Variants in CECR2 observed in about 807,000 individuals in gnomAD.
CECR2 encodes the protein chromatin remodeling regulator CECR2.
A neutral mutation model predicts 154.5 loss-of-function variants in CECR2; 30 were observed. That is an observed-to-expected ratio of 0.19 (90% CI 0.15 to 0.26). CECR2 has a LOEUF of 0.26. Among genes scored for constraint, CECR2 ranks in the 10% least tolerant of loss-of-function variants. The probability of loss-of-function intolerance (pLI) is 1.00; values close to 1 mark genes in which losing one functional copy is unlikely to be tolerated. For missense variants in CECR2, 1,743 were observed against 1,829.3 expected (o/e 0.95, Z 0.86); for synonymous variants, 725 against 683.7 (o/e 1.06, Z -0.94).
intron 1 of CECR2, among the ~76,000 whole-genome samples, chr22:17,381,919 A>T (rs1485738721): frequency 6.7e-6 from 1 of 149,674 alleles, no homozygotes; most frequent in South Asian, 2.1e-4. Flanking sequence ...ACGGAGTCTC[A>T]CTCTGTCACC....
chr22:17,364,520 A>G (rs1252668462), upstream of CECR2, among the ~76,000 whole-genome samples: 4 of 152,130 alleles, frequency 2.6e-5, no homozygotes, highest in Non-Finnish European at 2.9e-5. Flanking sequence ...CAATTTAAAT[A>G]GAAGAGAGAG....
chr22:17,364,020 G>A (rs1376794715), intron 1 of CECR2, among the ~76,000 whole-genome samples: 3 of 152,020 alleles, frequency 2.0e-5, no homozygotes, highest in Non-Finnish European at 2.9e-5. Flanking sequence ...AATGAGAAAA[G>A]CTGAGCTGTT....
chr22:17,500,331 C>T (rs897044498), intron 4 of CECR2, among the ~76,000 whole-genome samples: 1 of 152,048 alleles, frequency 6.6e-6, no homozygotes, highest in African/African-American at 2.4e-5. Flanking sequence ...AGGAAGAGGC[C>T]GCATTTCCAT....
Position 17,548,198 on chromosome 22 carries a change from G to C in CECR2, c.2911G>C (p.Glu971Gln). 1 of 1,587,720 alleles carries C rather than the reference G, an allele frequency of 6.3e-7. No individual in the cohort carries two copies. Among genetic ancestry groups the C allele is most frequent in the Non-Finnish European group, 8.6e-7 (1 of 1,167,442 alleles). ...GAAACCACCAGGTGTTGGTACTTCA[G>C]AGGGGGTCTACCTCACACAACTACC... ...EEKPPGVGTS[E>Q]GVYLTQLPHP... The change falls in exon 17 of 19, where the codon GAG (glutamate) becomes CAG (glutamine). Residue 971 changes from glutamate (E) to glutamine (Q), a missense_variant. By Grantham distance (29) the Glu-to-Gln change is conservative. This residue lies in a region of CECR2 where 1,250 missense variants were observed against 1,192.1 expected (regional missense o/e 1.05). Coordinates refer to ENST00000262608, the MANE Select transcript of CECR2 (RefSeq NM_001290047.2).
At chr22:17,399,713 T>C (rs2053864281) in intron 1 of CECR2, among the ~76,000 whole-genome samples, 2 of 152,168 alleles carry the variant, frequency 1.3e-5, no homozygotes, top group African/African-American at 2.4e-5. Flanking sequence ...CAACCTGTAA[T>C]GGTGATTTTT....
At chr22:17,393,464 T>C (rs2053761158) in intron 1 of CECR2, among the ~76,000 whole-genome samples, 1 of 152,252 alleles carries the variant, frequency 6.6e-6, no homozygotes, top group Admixed American at 6.5e-5. Flanking sequence ...TTATAAATAA[T>C]GCTGCTCTAA....
At chr22:17,387,384 A>T (rs1357363505) in intron 1 of CECR2, among the ~76,000 whole-genome samples, 2 of 152,230 alleles carry the variant, frequency 1.3e-5, no homozygotes, top group Non-Finnish European at 2.9e-5. Flanking sequence ...CCTAGGAAAT[A>T]CAAGGATTAT....
rs560849421 is a variant in CECR2 at position 17,488,633 on chromosome 22, G to T, written c.222-8770G>T. Among the ~76,000 whole-genome samples, 3 of 152,108 alleles carry T rather than the reference G, an allele frequency of 2.0e-5. No homozygotes were observed. In the East Asian group the frequency reaches 5.8e-4, roughly 29 times the overall value. On this transcript the variant is annotated intron_variant, in intron 2 of 18. Transcript: ENST00000262608. ...ACCCATGCCATTGTTTGTATCAGTG[G>T]TTTATTCCTTTGAGGGGGGTGGGGG...
intron 1 of CECR2, among the ~76,000 whole-genome samples, chr22:17,434,988 T>C (rs1203385083): frequency 6.6e-6 from 1 of 152,078 alleles, no homozygotes; most frequent in East Asian, 1.9e-4. Flanking sequence ...ATGTCGAAAC[T>C]CAGAAGCCTG....
chr22:17,478,349 CA>C lies in CECR2; in HGVS notation c.221+670del, dbSNP rs1256576425. Among the ~76,000 whole-genome samples the C allele has an allele frequency of 9.9e-4, 132 of 132,996 alleles. 1 individual carries two copies. Among genetic ancestry groups the C allele is most frequent in the African/African-American group, 3.1e-3 (117 of 37,554 alleles). The allele number at this position is 132,996 out of a possible 152,430, so 87.3% of individuals were successfully genotyped here. ...CTTTCTCAGATAGGTAAAATGGTATCAAATTTTTTTTTTTTTTTTTTTTTGA... is the reference window on the plus strand; with the variant it reads ...CTTTCTCAGATAGGTAAAATGGTATCAATTTTTTTTTTTTTTTTTTTTTGA... On this transcript the variant is annotated intron_variant, in intron 2 of 18. Coordinates refer to ENST00000262608, the MANE Select transcript of CECR2 (RefSeq NM_001290047.2).
chr22:17,513,890 G>A (rs1339929029), intron 8 of CECR2, among the ~76,000 whole-genome samples: 1 of 152,072 alleles, frequency 6.6e-6, no homozygotes, highest in Non-Finnish European at 1.5e-5. Context: ...ATTGCTCCAA[G>A]CAAAACTTTG....
chr22:17,439,413 G>C (rs2054552322), intron 1 of CECR2, among the ~76,000 whole-genome samples: 1 of 151,950 alleles, frequency 6.6e-6, no homozygotes, highest in Admixed American at 6.6e-5. Context: ...ACAAGCAACA[G>C]ATTTAAGAAA....
In CECR2 at chr22:17,542,956, G is replaced by T; in HGVS notation, c.2813G>T (p.Gly938Val). The T allele has an allele frequency of 6.2e-7, 1 of 1,613,278 alleles. No individual in the cohort carries two copies. Among genetic ancestry groups the T allele is most frequent in the East Asian group, 2.2e-5 (1 of 44,886 alleles). Reference sequence around the variant, plus strand: ...CCCAAGCCTGCCCTGGGCAACCCTGGGAGGGCACCGGAGAACAGTGAAGCA... The same window carrying T: ...CCCAAGCCTGCCCTGGGCAACCCTGTGAGGGCACCGGAGAACAGTGAAGCA... ...SAPKPALGNP[G>V]RAPENSEAQE... The change falls in exon 16 of 19, where the codon GGG becomes GTG. Residue 938 changes from glycine (G) to valine (V), a missense_variant. Gly to Val is a moderately radical substitution (Grantham distance 109). This residue lies in a region of CECR2 where 1,250 missense variants were observed against 1,192.1 expected (regional missense o/e 1.05). Transcript: ENST00000262608.
chr22:17,426,969 T>C (rs2054341032), intron 1 of CECR2, among the ~76,000 whole-genome samples: 1 of 152,130 alleles, frequency 6.6e-6, no homozygotes, highest in Non-Finnish European at 1.5e-5. Context: ...GCACCCATCA[T>C]CATTTACATT....
intron 1 of CECR2, among the ~76,000 whole-genome samples, chr22:17,463,705 C>T (rs773355553): frequency 3.3e-5 from 5 of 151,524 alleles, no homozygotes; most frequent in South Asian, 2.1e-4. Context: ...TTGCTGACGT[C>T]GGGGACGGGC....
At chr22:17,379,192 A>G (rs1322976011) in intron 1 of CECR2, among the ~76,000 whole-genome samples, 1 of 152,016 alleles carries the variant, frequency 6.6e-6, no homozygotes, top group East Asian at 1.9e-4. Flanking sequence ...CCTGACCTCC[A>G]GTGATCAGCC....
intron 9 of CECR2, among the ~76,000 whole-genome samples, chr22:17,531,267 G>C (rs1054102320): frequency 1.3e-5 from 2 of 152,202 alleles, no homozygotes; most frequent in African/African-American, 4.8e-5. Flanking sequence ...GTCAGAGGTG[G>C]GGGGCTGCAG....
At chr22:17,498,765 G>A (rs957513540) in intron 3 of CECR2, among the ~76,000 whole-genome samples, 24 of 91,166 alleles carry the variant, frequency 2.6e-4, no homozygotes, top group South Asian at 1.3e-3. Flanking sequence ...CTTTCTTTTC[G>A]TGTGTGCTCA....
rs370696488 is a variant in CECR2 at position 17,548,295 on chromosome 22, C to T, written c.3008C>T (p.Pro1003Leu). The T allele has an allele frequency of 3.5e-5, 56 of 1,608,924 alleles. No homozygotes were observed. In the East Asian group the frequency reaches 6.5e-4, roughly 19 times the overall value. ...SSPQERETVG[P>L]ELKSSSSESA... ...CCACAAGAAAGGGAAACAGTGGGCC[C>T]GGAGCTCAAAAGCAGCTCCTCCGAA... The change falls in exon 17 of 19, where the codon CCG (proline) becomes CTG (leucine). Residue 1003 changes from proline (P) to leucine (L), a missense_variant. Pro to Leu is a moderately conservative substitution (Grantham distance 98). Transcript: ENST00000262608.
Sources: allele counts gnomAD v4.1 joint callset (sites outside exome capture counted in the v4.1 genomes callset), GRCh38; gene constraint gnomAD v4.1.1; regional missense constraint gnomAD v4.1.1; transcripts MANE v1.5; gene names NCBI Gene and HGNC (gene_info 2026-07-23, HGNC 2026-07-21).